The following GNB1 variants were observed in gnomAD, a reference collection of about 807,000 sequenced individuals.
GNB1 encodes guanine nucleotide-binding protein G(I)/G(S)/G(T) subunit beta-1.
In GNB1, 2 loss-of-function variants were observed where a neutral mutation model predicts 42.9. The ratio of observed to expected loss-of-function variants is 0.05; its 90% confidence interval spans 0.02 to 0.15. The LOEUF (loss-of-function observed/expected upper bound fraction) is 0.15, where lower values mean the gene tolerates loss of function less well. Among genes scored for constraint, GNB1 ranks in the 10% least tolerant of loss-of-function variants. GNB1 has a pLI of 1.00. For missense variants in GNB1, 193 were observed against 462.2 expected, an observed-to-expected ratio of 0.42 and a Z score of 5.34; for synonymous variants, 183 against 174.7, an observed-to-expected ratio of 1.05 and a Z score of -0.38.
chr1:1,859,527 T>C (rs1648493945), intron 1 of GNB1, among the ~76,000 whole-genome samples: 1 of 151,992 alleles, frequency 6.6e-6, no homozygotes, highest in African/African-American at 2.4e-5. Context: ...GAACTATGTA[T>C]CGTGGCCTAA....
chr1:1,804,751 TA>T (rs1281006526), intron 6 of GNB1, among the ~76,000 whole-genome samples, 170 bp from the exon 7 acceptor site: 1 of 152,234 alleles, frequency 6.6e-6, no homozygotes, highest in Non-Finnish European at 1.5e-5. Context: ...GAAGCATACT[TA>T]ATGAGAAGTC....
chr1:1,856,022 TTTC>T (rs769228975), intron 1 of GNB1, among the ~76,000 whole-genome samples: 10 of 152,182 alleles, frequency 6.6e-5, no homozygotes, highest in Non-Finnish European at 7.3e-5. Context: ...ATCAATGGAC[TTTC>T]TTCTTCTTCT....
At chr1:1,798,711 C>A (rs1646580383) in intron 7 of GNB1, among the ~76,000 whole-genome samples, 1 of 152,062 alleles carries the variant, frequency 6.6e-6, no homozygotes, top group Non-Finnish European at 1.5e-5. Context: ...TGGAAATAAG[C>A]TTTTTTTGGA....
intron 2 of GNB1, among the ~76,000 whole-genome samples, chr1:1,827,231 T>C (rs1326358885): frequency 1.3e-5 from 2 of 152,174 alleles, no homozygotes; most frequent in Admixed American, 1.3e-4. Context: ...ACCTACAGTA[T>C]AGATACTTGA....
At chr1:1,793,105 T>C (rs1049772992) in intron 8 of GNB1, 140 bp downstream of exon 8, 3 of 508,218 alleles carry the variant, frequency 5.9e-6, no homozygotes, top group African/African-American at 3.9e-5. Context: ...ATTGCTACTA[T>C]GTGTTTTAAA....
intron 10 of GNB1, chr1:1,788,789 A>C: frequency 2.3e-6 from 1 of 436,782 alleles, no homozygotes; most frequent in Non-Finnish European, 4.3e-6. Context: ...TGGGCCCTGG[A>C]GCCTGCACAG....
At chr1:1,831,251 C>T (rs1386553910) in intron 2 of GNB1, among the ~76,000 whole-genome samples, 6 of 151,716 alleles carry the variant, frequency 4.0e-5, no homozygotes, top group African/African-American at 1.2e-4. Flanking sequence ...GTGGGAGGAT[C>T]GCTTGAGTCC....
intron 8 of GNB1, among the ~76,000 whole-genome samples, chr1:1,791,861 C>T (rs2100524613): frequency 6.6e-6 from 1 of 152,306 alleles, no homozygotes; most frequent in South Asian, 2.1e-4. Flanking sequence ...ATAAAGTCTT[C>T]TCAAGATTGA....
At chr1:1,870,141 G>A (rs1649169151) in intron 1 of GNB1, among the ~76,000 whole-genome samples, 1 of 152,100 alleles carries the variant, frequency 6.6e-6, no homozygotes, top group Non-Finnish European at 1.5e-5. Flanking sequence ...GATTACAGGC[G>A]TGAGCCACCG....
chr1:1,836,988 A>C (rs1056880868), intron 2 of GNB1, among the ~76,000 whole-genome samples: 3 of 151,630 alleles, frequency 2.0e-5, no homozygotes. Flanking sequence ...TACCTAGCCA[A>C]AATTGAGTTT....
intron 1 of GNB1, among the ~76,000 whole-genome samples, chr1:1,841,639 G>A (rs1050540934): frequency 1.3e-5 from 2 of 152,192 alleles, no homozygotes; most frequent in Non-Finnish European, 2.9e-5. Flanking sequence ...GGAGTCAGTA[G>A]ATGAATCAAC....
At chr1:1,841,781 AAC>A (rs1647251491) in intron 1 of GNB1, among the ~76,000 whole-genome samples, 2 of 152,218 alleles carry the variant, frequency 1.3e-5, no homozygotes, top group Non-Finnish European at 1.5e-5. Context: ...GTGGAAGGAA[AAC>A]AGTTTGGCAG....
intron 1 of GNB1, among the ~76,000 whole-genome samples, chr1:1,845,821 CCATACACACACACACACACACACA>C (rs1471875189): frequency 7.3e-5 from 7 of 96,230 alleles, no homozygotes; most frequent in African/African-American, 3.2e-4. Flanking sequence ...GTGTGTAAGT[CCATACACACACACACACACACACA>C]CACACACACA....
At chr1:1,819,356 G>A (rs1343105756) in intron 3 of GNB1, among the ~76,000 whole-genome samples, 5 of 151,906 alleles carry the variant, frequency 3.3e-5, no homozygotes, top group Non-Finnish European at 7.4e-5. Flanking sequence ...TTGAGTAGCT[G>A]AGACCACAGG....
rs1646398538 is a variant in GNB1, at chr1:1,785,841, A to G, written c.*1222T>C. The G allele has an allele frequency of 2.5e-6, 1 of 392,330 alleles. No individual in the cohort carries two copies. Among genetic ancestry groups the G allele is most frequent in the African/African-American group, 2.1e-5 (1 of 48,376 alleles). The allele number at this position is 392,330 out of a possible 1,614,324, so 24.3% of individuals were successfully genotyped here. A position where few individuals can be genotyped will look rare whatever the true frequency, so the allele number is the denominator to read the frequency against. ...AAAGAAATAAAGAAAACAGTGACTTATCCCGCTACCCAAGCGTGTAGAGCC... is the reference window on the plus strand; with the variant it reads ...AAAGAAATAAAGAAAACAGTGACTTGTCCCGCTACCCAAGCGTGTAGAGCC... On this transcript the variant is annotated 3_prime_UTR_variant, in exon 12 of 12. Transcript: ENST00000378609.
intron 1 of GNB1, among the ~76,000 whole-genome samples, chr1:1,874,624 A>G (rs1649437280): frequency 6.6e-6 from 1 of 150,590 alleles, no homozygotes; most frequent in East Asian, 1.9e-4. Flanking sequence ...AAAAAAAAAA[A>G]AAAAAAAAGT....
chr1:1,874,437 C>T (rs567089583), intron 1 of GNB1, among the ~76,000 whole-genome samples: 5 of 151,786 alleles, frequency 3.3e-5, no homozygotes, highest in East Asian at 1.9e-4. Context: ...GGTGAAACCC[C>T]GTCTCTACCA....
intron 2 of GNB1, among the ~76,000 whole-genome samples, chr1:1,835,276 G>C (rs1240163427): frequency 6.6e-6 from 1 of 152,126 alleles, no homozygotes; most frequent in South Asian, 2.1e-4. Flanking sequence ...GGAAGCCCCA[G>C]GTTCTAACCC....
intron 1 of GNB1, among the ~76,000 whole-genome samples, chr1:1,842,889 G>A (rs567681816): frequency 1.2e-4 from 18 of 152,314 alleles, no homozygotes; most frequent in South Asian, 6.2e-4. Flanking sequence ...GCCTCGCTCC[G>A]GGGCAGGGTC....
Sources: allele counts gnomAD v4.1 joint callset (sites outside exome capture counted in the v4.1 genomes callset), GRCh38; gene constraint gnomAD v4.1.1; transcripts MANE v1.5; gene names NCBI Gene and HGNC (gene_info 2026-07-23, HGNC 2026-07-21).